TRHDE: variants seen among roughly 807,000 people sequenced by gnomAD.
TRHDE encodes the protein thyrotropin releasing hormone degrading enzyme, also known as thyrotropin-releasing hormone-degrading ectoenzyme.
A neutral mutation model predicts 125.7 loss-of-function variants in TRHDE; 72 were observed. The observed-to-expected ratio is 0.57, with a 90% CI of 0.47 to 0.70. The LOEUF is 0.70. Among genes scored for constraint, TRHDE ranks in the 30% least tolerant of loss-of-function variants. The pLI, the probability that TRHDE is intolerant of heterozygous loss-of-function variation, is 0.00. For missense variants in TRHDE, 1,110 were observed against 1,327.1 expected (o/e 0.84, Z 2.54); for synonymous variants, 509 against 509.1 (o/e 1.00, Z 0.00).
At chr12:72,490,495 C>T (rs533438876) in intron 5 of TRHDE, among the ~76,000 whole-genome samples, 3 of 151,804 alleles carry the variant, frequency 2.0e-5, no homozygotes, top group Admixed American at 6.6e-5. Context: ...AATGGAATCA[C>T]CGTCTTGTAA....
At chr12:72,137,112 G>T (rs942528271) in intron 2 of TRHDE, among the ~76,000 whole-genome samples, 1 of 152,208 alleles carries the variant, frequency 6.6e-6, no homozygotes, top group Non-Finnish European at 1.5e-5. Context: ...GTAGCAAGTA[G>T]AGGACTCAGA....
At chr12:72,250,840 A>ATATATATATC (rs2139386741) in intron 2 of TRHDE, among the ~76,000 whole-genome samples, 1 of 126,860 alleles carries the variant, frequency 7.9e-6, no homozygotes, top group South Asian at 2.6e-4. Context: ...ACTTACAGAT[A>ATATATATATC]TATATATATA....
At chr12:72,416,710 T>C (rs978838962) in intron 3 of TRHDE, among the ~76,000 whole-genome samples, 1 of 152,056 alleles carries the variant, frequency 6.6e-6, no homozygotes, top group African/African-American at 2.4e-5. Flanking sequence ...TATTTCTGGG[T>C]TCTCTATTCT....
chr12:72,620,007 A>G (rs779506922), intron 13 of TRHDE, among the ~76,000 whole-genome samples: 16 of 152,032 alleles, frequency 1.1e-4, no homozygotes, highest in Admixed American at 3.3e-4. Flanking sequence ...AATTACGTTC[A>G]TTGTTAGTTT....
At chr12:72,588,296 A>T (rs1871526841) in intron 12 of TRHDE, among the ~76,000 whole-genome samples, 1 of 152,162 alleles carries the variant, frequency 6.6e-6, no homozygotes, top group African/African-American at 2.4e-5. Flanking sequence ...CTCATTTTCC[A>T]GTTGATACTT....
chr12:72,264,346 G>C (rs894552148), intron 2 of TRHDE: 1 of 151,974 alleles, frequency 6.6e-6, no homozygotes, highest in African/African-American at 2.4e-5. Flanking sequence ...AGATATGGGA[G>C]CTTTTTCTAA....
At chr12:72,256,609 G>C (rs573439916) in intron 2 of TRHDE, 1 of 151,954 alleles carries the variant, frequency 6.6e-6, no homozygotes, top group African/African-American at 2.4e-5. Context: ...CACGTTTGTT[G>C]CTTAATAAAT....
intron 2 of TRHDE, among the ~76,000 whole-genome samples, chr12:72,154,788 T>C (rs1456898581): frequency 4.6e-5 from 7 of 152,244 alleles, no homozygotes; most frequent in Admixed American, 3.9e-4. Context: ...GGCTTCCCCT[T>C]GTGGGTAACC....
chr12:72,261,335 C>T (rs552014418), intron 2 of TRHDE, among the ~76,000 whole-genome samples: 5 of 152,206 alleles, frequency 3.3e-5, no homozygotes, highest in African/African-American at 1.2e-4. Context: ...AGTAAATGAA[C>T]ATTATTCAGC....
chr12:72,480,490 T>C (rs988818811), intron 5 of TRHDE, among the ~76,000 whole-genome samples: 1 of 152,218 alleles, frequency 6.6e-6, no homozygotes, highest in African/African-American at 2.4e-5. Context: ...AGGTCTTGTA[T>C]ACTTTAAACC....
At chr12:72,505,950 T>C (rs1878339279) in intron 6 of TRHDE, among the ~76,000 whole-genome samples, 1 of 152,154 alleles carries the variant, frequency 6.6e-6, no homozygotes, top group Non-Finnish European at 1.5e-5. Flanking sequence ...CTATTAACGC[T>C]ACACACAGTA....
intron 1 of TRHDE, among the ~76,000 whole-genome samples, chr12:72,281,382 C>T (rs545856973): frequency 4.6e-5 from 7 of 152,260 alleles, no homozygotes; most frequent in Middle Eastern, 6.8e-3. Context: ...AAATGGGACA[C>T]GTGTAACTTC....
intron 1 of TRHDE, among the ~76,000 whole-genome samples, chr12:72,099,507 C>T (rs547720841): frequency 6.6e-6 from 1 of 152,092 alleles, no homozygotes; most frequent in East Asian, 1.9e-4. Context: ...AATTTTTTTT[C>T]CCTTAAATAC....
chr12:72,644,379 A>AT (rs1486621133), intron 15 of TRHDE, among the ~76,000 whole-genome samples: 2 of 152,126 alleles, frequency 1.3e-5, no homozygotes, highest in Non-Finnish European at 2.9e-5. Context: ...TGGAACTCTA[A>AT]AAAGTCTAGC....
chr12:72,224,462 T>C (rs1878083356), intron 2 of TRHDE, among the ~76,000 whole-genome samples: 1 of 152,122 alleles, frequency 6.6e-6, no homozygotes, highest in Admixed American at 6.6e-5. Flanking sequence ...ATTTGCTCCA[T>C]ATCACTAACT....
At chr12:72,572,602 C>A (rs1010587153) in intron 10 of TRHDE, among the ~76,000 whole-genome samples, 5 of 152,060 alleles carry the variant, frequency 3.3e-5, no homozygotes, top group East Asian at 1.9e-4. Flanking sequence ...ATTTCTCCAG[C>A]GATCTCGTTT....
At chr12:72,303,463 C>A (rs990042163) in intron 2 of TRHDE, among the ~76,000 whole-genome samples, 5 of 152,210 alleles carry the variant, frequency 3.3e-5, no homozygotes, top group Middle Eastern at 3.4e-3. Flanking sequence ...GCCCCTACAG[C>A]AGTGGCTCTT....
intron 15 of TRHDE, among the ~76,000 whole-genome samples, chr12:72,629,368 A>G (rs1035294093): frequency 2.0e-5 from 3 of 151,708 alleles, no homozygotes; most frequent in Admixed American, 6.6e-5. Context: ...TTGCAGTATA[A>G]TTGGATCTCC....
chr12:72,553,866 T>A lies in TRHDE; in HGVS notation c.1789-8299T>A, dbSNP rs1351858183. ...TTTTCCTTCTTTTTTTTTTTTTTTT[T>A]ATTTGGAGTTTCGCTCTTGTCACCC... On this transcript the variant is annotated intron_variant, in intron 7 of 18. Coordinates refer to ENST00000261180, the MANE Select transcript of TRHDE (RefSeq NM_013381.3). Among the ~76,000 whole-genome samples, 319 of 144,384 alleles carry A rather than the reference T, an allele frequency of 2.2e-3. 1 individual carries two copies. The highest frequency in any genetic ancestry group is 7.2e-3 in the African/African-American group (289 of 40,326). The allele number at this position is 144,384 out of a possible 152,430, so 94.7% of individuals were successfully genotyped here.
Sources: gnomAD v4.1 joint callset for allele counts (sites outside exome capture counted in the v4.1 genomes callset) on GRCh38, gnomAD v4.1.1 for gene constraint, MANE v1.5 for transcripts, NCBI Gene and HGNC (gene_info 2026-07-23, HGNC 2026-07-21) for gene names.